Variants in PKIB observed in about 807,000 individuals in gnomAD.
PKIB encodes the protein cAMP-dependent protein kinase inhibitor beta.
A neutral mutation model predicts 4.5 loss-of-function variants in PKIB; 2 were observed. That is an observed-to-expected ratio of 0.44 (90% confidence interval 0.18 to 1.39). The LOEUF is 1.39. PKIB is among the 40% of genes most tolerant of loss of function. The pLI is 0.27. For missense variants in PKIB, 94 were observed against 92.6 expected (o/e 1.02, Z -0.06); for synonymous variants, 38 against 36.0 (o/e 1.06, Z -0.20).
intron 3 of PKIB, among the ~76,000 whole-genome samples, chr6:122,597,039 G>T (rs1472765172): frequency 6.6e-6 from 1 of 152,170 alleles, no homozygotes; most frequent in Non-Finnish European, 1.5e-5. Flanking sequence ...ACTTTAGAAA[G>T]AATATCTTGA....
intron 1 of PKIB, among the ~76,000 whole-genome samples, chr6:122,628,042 C>CT (rs68139551): frequency 0.15 from 22,070 of 142,444 alleles, 2,247 homozygotes; most frequent in South Asian, 0.35. Flanking sequence ...GTATCCAGTT[C>CT]TTTTTTTTTT....
chr6:122,520,661 T>TCTCTC (rs1776908092), intron 2 of PKIB, among the ~76,000 whole-genome samples: 4 of 55,536 alleles, frequency 7.2e-5, no homozygotes, highest in Admixed American at 2.2e-4. Context: ...AAGTTTATGT[T>TCTCTC]CCCACCCCCC....
chr6:122,698,136 C>G (rs1040029970), intron 3 of PKIB, among the ~76,000 whole-genome samples: 8 of 152,156 alleles, frequency 5.3e-5, no homozygotes, highest in African/African-American at 1.4e-4. Flanking sequence ...AGAGCAACAA[C>G]TCTCTACTGA....
At chr6:122,682,311 C>A (rs749161021) in intron 3 of PKIB, among the ~76,000 whole-genome samples, 1 of 152,034 alleles carries the variant, frequency 6.6e-6, no homozygotes, top group Non-Finnish European at 1.5e-5. Flanking sequence ...GAATGTTTGC[C>A]AACATGGGGG....
intron 1 of PKIB, among the ~76,000 whole-genome samples, chr6:122,476,940 CATGTT>C (rs1377332593): frequency 6.6e-6 from 1 of 152,110 alleles, no homozygotes; most frequent in Non-Finnish European, 1.5e-5. Flanking sequence ...TCTTATTAAA[CATGTT>C]ATTAAGGCAA....
chr6:122,637,916 T>C (rs2114840294), intron 2 of PKIB, among the ~76,000 whole-genome samples: 1 of 152,314 alleles, frequency 6.6e-6, no homozygotes, highest in South Asian at 2.1e-4. Context: ...AAGACAGTTT[T>C]ATAATTCTTA....
At chr6:122,662,518 C>A (rs1376539620) in intron 2 of PKIB, among the ~76,000 whole-genome samples, 1 of 151,268 alleles carries the variant, frequency 6.6e-6, no homozygotes, top group Non-Finnish European at 1.5e-5. Flanking sequence ...CAGGGTTTCC[C>A]CATGTTGGAC....
rs183181977 is a variant in PKIB at position 122,501,004 on chromosome 6, C to T, written c.-248+23065C>T. On this transcript the variant is annotated intron_variant, in intron 2 of 6. Coordinates refer to the PKIB transcript ENST00000392491. ...CTGCCCCCATGATTCAATCACCCCC[C>T]ACCAGGACCCTCTCCCAACACGTGG... Among the ~76,000 whole-genome samples the T allele has an allele frequency of 7.9e-5, 12 of 152,218 alleles. 1 individual carries two copies. Among genetic ancestry groups the T allele is most frequent in the Admixed American group, 7.8e-4 (12 of 15,294 alleles).
intron 2 of PKIB, among the ~76,000 whole-genome samples, chr6:122,668,098 C>T (rs1397050920): frequency 1.3e-5 from 2 of 152,192 alleles, no homozygotes; most frequent in Non-Finnish European, 1.5e-5. Flanking sequence ...TTCAGCTATT[C>T]TGCAACCATA....
chr6:122,703,935 TATATATAGAG>T (rs1192395635), intron 3 of PKIB, among the ~76,000 whole-genome samples: 7 of 128,592 alleles, frequency 5.4e-5, no homozygotes, highest in Middle Eastern at 3.8e-3. Flanking sequence ...TATATATATA[TATATATAGAG>T]AGAGAGAGAG....
chr6:122,607,047 A>G (rs889037142), upstream of PKIB, among the ~76,000 whole-genome samples: 6 of 151,592 alleles, frequency 4.0e-5, no homozygotes, highest in African/African-American at 1.2e-4. Context: ...GCTGGGCTCA[A>G]TGAAAGATGA....
intron 2 of PKIB, among the ~76,000 whole-genome samples, chr6:122,573,121 C>G (rs566442517): frequency 6.6e-6 from 1 of 152,058 alleles, no homozygotes; most frequent in Non-Finnish European, 1.5e-5. Flanking sequence ...TATTCTGAAG[C>G]CAGTATAACA....
chr6:122,513,677 G>C (rs983852265), intron 2 of PKIB, among the ~76,000 whole-genome samples: 1 of 151,992 alleles, frequency 6.6e-6, no homozygotes, highest in Non-Finnish European at 1.5e-5. Context: ...CCGATCTTTA[G>C]TTCCACGTGG....
chr6:122,482,586 T>A (rs1324303977), intron 2 of PKIB: 1 of 139,586 alleles, frequency 7.2e-6, no homozygotes, highest in African/African-American at 2.7e-5. Context: ...AGTCTTGCTC[T>A]GTCACCCAGG....
intron 2 of PKIB, among the ~76,000 whole-genome samples, chr6:122,546,705 T>C (rs1772503782): frequency 6.6e-6 from 1 of 152,108 alleles, no homozygotes; most frequent in African/African-American, 2.4e-5. Context: ...TTTATTTATT[T>C]ATTTTTTACT....
At chr6:122,614,105 C>T (rs1271563382) in intron 1 of PKIB, among the ~76,000 whole-genome samples, 2 of 151,880 alleles carry the variant, frequency 1.3e-5, no homozygotes, top group African/African-American at 4.8e-5. Flanking sequence ...GATTTGTGTT[C>T]TTCAGTCACT....
At chr6:122,625,615 G>A (rs1775405934) in intron 1 of PKIB, among the ~76,000 whole-genome samples, 1 of 152,122 alleles carries the variant, frequency 6.6e-6, no homozygotes, top group East Asian at 1.9e-4. Flanking sequence ...TCCAGCCTGG[G>A]CAACGGAAAG....
At chr6:122,551,236 T>G (rs1331839284) in intron 2 of PKIB, among the ~76,000 whole-genome samples, 1 of 152,192 alleles carries the variant, frequency 6.6e-6, no homozygotes, top group African/African-American at 2.4e-5. Context: ...AATTTCTCTT[T>G]CTGAAAGATC....
chr6:122,545,796 T>C (rs926789467), intron 2 of PKIB, among the ~76,000 whole-genome samples: 15 of 150,964 alleles, frequency 9.9e-5, no homozygotes, highest in Non-Finnish European at 8.8e-5. Flanking sequence ...AAAATAAAAG[T>C]TGGAAAGAAA....
Sources: gnomAD v4.1 joint callset for allele counts (sites outside exome capture counted in the v4.1 genomes callset) on GRCh38, gnomAD v4.1.1 for gene constraint, MANE v1.5 for transcripts, NCBI Gene and HGNC (gene_info 2026-07-23, HGNC 2026-07-21) for gene names.